Variants in IFT122 observed in about 807,000 individuals in gnomAD.
IFT122 encodes intraflagellar transport 122.
IFT122 carries 118 observed loss-of-function variants against 161.6 expected under a neutral mutation model. The observed-to-expected ratio is 0.73, with a 90% confidence interval of 0.63 to 0.85. IFT122 has a LOEUF of 0.85. IFT122 is among the 40% of genes least tolerant of loss of function. The pLI is 0.00. For missense variants in IFT122, 1,381 were observed against 1,579.6 expected, an observed-to-expected ratio of 0.87 and a Z score of 2.13; for synonymous variants, 550 against 602.4, an observed-to-expected ratio of 0.91 and a Z score of 1.27.
intron 26 of IFT122, among the ~76,000 whole-genome samples, 197 bp from the exon 27 acceptor site, chr3:129,517,272 A>G (rs9855705): frequency 2.6e-4 from 32 of 123,380 alleles, no homozygotes; most frequent in African/African-American, 9.4e-4. Context: ...GCTCCTGCAC[A>G]CACACACACA....
chr3:129,493,678 G>C (rs758391173), intron 17 of IFT122, among the ~76,000 whole-genome samples: 3 of 152,222 alleles, frequency 2.0e-5, no homozygotes, highest in Non-Finnish European at 2.9e-5. Flanking sequence ...ACCTACCCGC[G>C]TGGTAAAGGG....
intron 5 of IFT122, among the ~76,000 whole-genome samples, chr3:129,462,296 T>TA (rs556970717): frequency 2.0e-5 from 3 of 152,180 alleles, no homozygotes; most frequent in Non-Finnish European, 4.4e-5. Context: ...AAGGTGGGAT[T>TA]AAAAAAAATA....
At chr3:129,471,158 G>T (rs6439183) in intron 9 of IFT122, among the ~76,000 whole-genome samples, 20,178 of 152,180 alleles carry the variant, frequency 0.13, 1,710 homozygotes, top group South Asian at 0.24. Context: ...GCCTTTAATT[G>T]CGTAGCATCC....
In IFT122 at chr3:129,504,054, G is replaced by A. The variant is rs139790099; in HGVS notation, c.2548-265G>A. On this transcript the variant is annotated intron_variant, in intron 20 of 29. Transcript: ENST00000348417. Reference sequence around the variant, plus strand: ...CAAACCCTCAAAATAAAATGTTTCCGATTCTGTGCCGCTTCTGTGGTCCAG... The same window carrying A: ...CAAACCCTCAAAATAAAATGTTTCCAATTCTGTGCCGCTTCTGTGGTCCAG... 1.0e-4 allele frequency: 48 copies of A among 470,788 alleles called. 1 individual carries two copies. The East Asian group carries it at 1.7e-3, about 17-fold the overall frequency. 29.2% of individuals were successfully genotyped at this position (470,788 alleles called of 1,614,324 possible).
chr3:129,519,419 G>A (rs1293217314), intron 28 of IFT122, 149 bp from the exon 29 acceptor site: 1 of 1,165,192 alleles, frequency 8.6e-7, no homozygotes, highest in East Asian at 2.6e-5. Flanking sequence ...TTCAGCTCTG[G>A]TGGGAGGAGC....
intron 23 of IFT122, among the ~76,000 whole-genome samples, 154 bp from the exon 24 acceptor site, chr3:129,512,158 G>A (rs919058605): frequency 1.1e-4 from 17 of 152,296 alleles, no homozygotes; most frequent in Admixed American, 1.1e-3. Context: ...TGAGACAGTG[G>A]CTATATGGCG....
In IFT122 at chr3:129,476,698, C is replaced by A. The variant is rs1408552686; in HGVS notation, c.1044C>A (p.Tyr348Ter). 2 of 1,614,212 alleles carry A rather than the reference C, an allele frequency of 1.2e-6. No homozygotes were observed. Among genetic ancestry groups the A allele is most frequent in the East Asian group, 4.5e-5 (2 of 44,880 alleles). The change falls in exon 11 of 30, where the codon TAC (tyrosine) becomes TAA (stop). Residue 348 changes from tyrosine to a stop codon, truncating the protein, a stop_gained. Coordinates refer to ENST00000348417, the MANE Select transcript of IFT122 (RefSeq NM_052989.3). LOFTEE classifies it high-confidence loss of function. ...VGCQDGTISF[Y>*]QLIFSTVHGL... ...GCCAGGACGGCACCATTTCCTTCTA[C>A]CAGCTTATTTTCAGCACAGTCCATG...
At chr3:129,516,874 A>C (rs1157788036) in intron 26 of IFT122, among the ~76,000 whole-genome samples, 1 of 145,342 alleles carries the variant, frequency 6.9e-6, no homozygotes, top group African/African-American at 2.6e-5. Flanking sequence ...GCCCCTGCAC[A>C]CACACAGACC....
chr3:129,481,514 G>A lies in IFT122; in HGVS notation c.1489-16G>A, dbSNP rs576753615. On this transcript the variant is annotated splice_polypyrimidine_tract_variant and intron_variant, in intron 13 of 29. Coordinates refer to ENST00000348417, the MANE Select transcript of IFT122 (RefSeq NM_052989.3). ...TGCCATGGTGACTGACACTGTTTTC[G>A]CTGAAATTTTGCCAGATCCTGAAGA... is the stretch of plus-strand genomic sequence containing the variant. 34 of 1,514,184 alleles carry A rather than the reference G, an allele frequency of 2.2e-5. No homozygotes were observed. The highest frequency in any genetic ancestry group is 1.9e-4 in the African/African-American group (14 of 73,008). 93.8% of individuals were successfully genotyped at this position (1,514,184 alleles called of 1,614,324 possible). A position where few individuals can be genotyped will look rare whatever the true frequency, so the allele number is the denominator to read the frequency against.
intron 25 of IFT122, 151 bp downstream of exon 25, chr3:129,514,705 C>T: frequency 2.3e-6 from 2 of 885,202 alleles, no homozygotes; most frequent in Non-Finnish European, 1.8e-6. Context: ...CATGCCAGCT[C>T]CCCTGTGCTT....
intron 17 of IFT122, among the ~76,000 whole-genome samples, chr3:129,493,416 T>C (rs550610061): frequency 6.6e-6 from 1 of 152,374 alleles, no homozygotes; most frequent in African/African-American, 2.4e-5. Context: ...TAATCTGCTC[T>C]GTGCCACATG....
intron 2 of IFT122, among the ~76,000 whole-genome samples, chr3:129,450,873 G>A (rs753822017): frequency 8.6e-5 from 13 of 151,488 alleles, no homozygotes; most frequent in Non-Finnish European, 1.8e-4. Context: ...GGCGCCTGCC[G>A]CTACGCTCAG....
At chr3:129,476,917 G>A (rs1403318261) in intron 11 of IFT122, 116 bp downstream of exon 11, 2 of 1,171,392 alleles carry the variant, frequency 1.7e-6, no homozygotes, top group Non-Finnish European at 2.5e-6. Context: ...TTGCAAACCT[G>A]TTAGCCACTG....
intron 17 of IFT122, among the ~76,000 whole-genome samples, chr3:129,494,210 T>C (rs1009241471): frequency 1.4e-5 from 2 of 147,576 alleles, no homozygotes; most frequent in Non-Finnish European, 1.5e-5. Context: ...TTTTGTTTGT[T>C]TGTTTGTTTT....
intron 4 of IFT122, among the ~76,000 whole-genome samples, chr3:129,459,648 C>G (rs901344350): frequency 8.2e-6 from 1 of 121,792 alleles, no homozygotes; most frequent in Non-Finnish European, 1.7e-5. Context: ...CTCCCTCCCT[C>G]CCTTCTTCCT....
At chr3:129,476,274 C>T (rs1442835999) in intron 9 of IFT122, 41 bp from the exon 10 acceptor site, 11 of 1,607,962 alleles carry the variant, frequency 6.8e-6, no homozygotes, top group South Asian at 1.1e-5. Context: ...GTTATGGATT[C>T]GGAAATGGTT....
rs199608976 is a variant in IFT122, at chr3:129,514,381, C to G, written c.2988-8C>G. 3.7e-6 allele frequency: 6 copies of G among 1,614,064 alleles called. No individual in the cohort carries two copies. Among genetic ancestry groups the G allele is most frequent in the South Asian group, 3.3e-5 (3 of 91,066 alleles). ...TGCCCCTGCTGTCCTTAACCCTGTT[C>G]ACGGCAGGAAAATACTCTTCACCTT... On this transcript the variant is annotated splice_region_variant and splice_polypyrimidine_tract_variant and intron_variant, in intron 24 of 29. Coordinates refer to ENST00000348417, the MANE Select transcript of IFT122 (RefSeq NM_052989.3).
intron 26 of IFT122, among the ~76,000 whole-genome samples, chr3:129,516,223 A>ACACACACAGACTGCCCCTGCGTG (rs1223583414): frequency 2.5e-5 from 3 of 119,712 alleles, no homozygotes; most frequent in Non-Finnish European, 3.7e-5. Flanking sequence ...GCCTCTGCAC[A>ACACACACAGACTGCCCCTGCGTG]CACACACAGA....
intron 5 of IFT122, among the ~76,000 whole-genome samples, chr3:129,462,673 A>C (rs2076319282): frequency 6.6e-6 from 1 of 152,216 alleles, no homozygotes; most frequent in African/African-American, 2.4e-5. Context: ...GGCAAAAAAT[A>C]ACTTGTTTGA....
Sources: gnomAD v4.1 joint callset for allele counts (sites outside exome capture counted in the v4.1 genomes callset) on GRCh38, gnomAD v4.1.1 for gene constraint, MANE v1.5 for transcripts, NCBI Gene and HGNC (gene_info 2026-07-23, HGNC 2026-07-21) for gene names.